Variants in ASTN2 observed in about 807,000 individuals in gnomAD.
ASTN2 encodes the protein astrotactin-2.
A neutral mutation model predicts 139.8 loss-of-function variants in ASTN2; 54 were observed. The observed-to-expected ratio is 0.39, with a 90% confidence interval of 0.31 to 0.48. The LOEUF (loss-of-function observed/expected upper bound fraction) is 0.48. Among genes scored for constraint, ASTN2 ranks in the 20% least tolerant of loss-of-function variants. The pLI is 0.95. For missense variants in ASTN2, 1,565 were observed against 1,725.1 expected, an observed-to-expected ratio of 0.91 and a Z score of 1.64; for synonymous variants, 756 against 719.5, an observed-to-expected ratio of 1.05 and a Z score of -0.81.
intron 10 of ASTN2, among the ~76,000 whole-genome samples, chr9:116,903,902 T>C (rs1834087844): frequency 6.6e-6 from 1 of 152,192 alleles, no homozygotes; most frequent in African/African-American, 2.4e-5. Flanking sequence ...AGGGGCCAGC[T>C]CTCACTTGCC....
At chr9:117,218,726 G>C (rs1360786948) in intron 2 of ASTN2, among the ~76,000 whole-genome samples, 1 of 152,176 alleles carries the variant, frequency 6.6e-6, no homozygotes, top group Non-Finnish European at 1.5e-5. Flanking sequence ...CAGTAAATCG[G>C]AGTTGGCCAA....
Position 116,587,326 on chromosome 9 carries a change from G to C in ASTN2, c.3355+30998C>G, listed in dbSNP as rs1002326806. Among the ~76,000 whole-genome samples the C allele has an allele frequency of 1.1e-4, 15 of 135,440 alleles. 1 individual carries two copies. Among genetic ancestry groups the C allele is most frequent in the Admixed American group, 4.1e-4 (5 of 12,128 alleles). The allele number at this position is 135,440 out of a possible 152,430, so 88.9% of individuals were successfully genotyped here. ...ACTGCACTCCAGCCTGGGTGACAGA[G>C]CAAGACCCCATCTCAAATTTAAAAA... On this transcript the variant is annotated intron_variant, in intron 19 of 22. Transcript: ENST00000313400.
chr9:116,963,109 G>A (rs1346811484), intron 10 of ASTN2, among the ~76,000 whole-genome samples: 1 of 152,178 alleles, frequency 6.6e-6, no homozygotes, highest in African/African-American at 2.4e-5. Flanking sequence ...TGCAATATAA[G>A]GCAATGCCCT....
At chr9:116,500,467 G>A (rs1487466855) in intron 19 of ASTN2, among the ~76,000 whole-genome samples, 2 of 152,200 alleles carry the variant, frequency 1.3e-5, no homozygotes, top group Non-Finnish European at 2.9e-5. Context: ...GCTGTGAGCT[G>A]AGCCATGACT....
chr9:116,508,361 C>A (rs1175289469), intron 19 of ASTN2, among the ~76,000 whole-genome samples: 1 of 152,168 alleles, frequency 6.6e-6, no homozygotes, highest in Non-Finnish European at 1.5e-5. Flanking sequence ...TCACCTCACC[C>A]AGTTCCACAG....
intron 1 of ASTN2, among the ~76,000 whole-genome samples, chr9:117,372,025 G>T (rs142177523): frequency 1.3e-5 from 2 of 152,200 alleles, no homozygotes; most frequent in East Asian, 1.9e-4. Flanking sequence ...TGGTAGACTG[G>T]TCCTAACTGA....
At chr9:117,141,290 T>C (rs1025223835) in intron 4 of ASTN2, 36 bp downstream of exon 4, 2 of 1,362,470 alleles carry the variant, frequency 1.5e-6, no homozygotes, top group African/African-American at 3.0e-5. Context: ...AGGACAACCT[T>C]CTGACTTCCT....
chr9:116,755,609 T>G (rs1246484200), intron 13 of ASTN2, among the ~76,000 whole-genome samples: 1 of 152,230 alleles, frequency 6.6e-6, no homozygotes, highest in African/African-American at 2.4e-5. Flanking sequence ...TTCTTTTGCT[T>G]AACCCATCCA....
chr9:116,824,362 G>T (rs555080665), intron 11 of ASTN2, among the ~76,000 whole-genome samples: 6 of 133,350 alleles, frequency 4.5e-5, no homozygotes, highest in Admixed American at 2.5e-4. Context: ...TCATAAGAGA[G>T]ATCTTTCTCT....
intron 17 of ASTN2, among the ~76,000 whole-genome samples, chr9:116,640,951 G>T (rs1857297060): frequency 6.6e-6 from 1 of 152,138 alleles, no homozygotes; most frequent in Non-Finnish European, 1.5e-5. Context: ...CTTGGAATGG[G>T]TTGTATTTTG....
chr9:116,536,295 G>A (rs1020674745), intron 19 of ASTN2, among the ~76,000 whole-genome samples: 12 of 151,686 alleles, frequency 7.9e-5, no homozygotes, highest in African/African-American at 2.4e-4. Context: ...TTTGCGATGG[G>A]TTCAAACTTC....
rs190226966 is a variant in ASTN2, at chr9:117,133,267, A to G, written c.1168+8059T>C. On this transcript the variant is annotated intron_variant, in intron 4 of 22. Transcript: ENST00000313400. Reference sequence around the variant, plus strand: ...CTTAGTACAGCCTGCGGAGCACTTTACAAACATTAACTAATTCTCCCAGCC... The same window carrying G: ...CTTAGTACAGCCTGCGGAGCACTTTGCAAACATTAACTAATTCTCCCAGCC... Among the ~76,000 whole-genome samples the G allele has an allele frequency of 1.2e-4, 19 of 152,352 alleles. 1 individual carries two copies. The East Asian group carries it at 3.1e-3, about 25-fold the overall frequency.
At chr9:116,792,810 ATTC>A (rs975065481) in intron 13 of ASTN2, among the ~76,000 whole-genome samples, 3 of 152,174 alleles carry the variant, frequency 2.0e-5, no homozygotes, top group African/African-American at 7.2e-5. Context: ...AGGAACAACA[ATTC>A]TTCATTCTCA....
intron 1 of ASTN2, among the ~76,000 whole-genome samples, chr9:117,376,111 A>G (rs138915939): frequency 6.6e-6 from 1 of 152,276 alleles, no homozygotes; most frequent in East Asian, 1.9e-4. Flanking sequence ...TATGGCATAG[A>G]ATATTCACAG....
rs148359733 is a variant in ASTN2, at chr9:117,182,775, G to A, written c.1015+31583C>T. Among the ~76,000 whole-genome samples, 7 of 151,974 alleles carry A rather than the reference G, an allele frequency of 4.6e-5. No individual in the cohort carries two copies. The East Asian group carries it at 1.4e-3, about 29-fold the overall frequency. On this transcript the variant is annotated intron_variant, in intron 3 of 22. Coordinates refer to ENST00000313400, the MANE Select transcript of ASTN2 (RefSeq NM_001365068.1). ...AAGCCACTTCAGCTTGCAGTGTCTC[G>A]GTGCCCCCATCTCTGTGTCCTAGAA...
At chr9:117,239,618 A>T (rs557576805) in intron 2 of ASTN2, among the ~76,000 whole-genome samples, 5 of 152,206 alleles carry the variant, frequency 3.3e-5, no homozygotes, top group Non-Finnish European at 7.3e-5. Context: ...CATTAGCCCA[A>T]GCAATGCAGA....
chr9:117,401,914 G>A (rs928420926), intron 1 of ASTN2, among the ~76,000 whole-genome samples: 8 of 152,114 alleles, frequency 5.3e-5, no homozygotes, highest in African/African-American at 1.9e-4. Flanking sequence ...GTTTAGATTT[G>A]GCCCATGGGC....
intron 2 of ASTN2, among the ~76,000 whole-genome samples, chr9:117,227,880 A>G (rs1444251817): frequency 2.0e-5 from 3 of 152,224 alleles, no homozygotes; most frequent in Admixed American, 2.0e-4. Flanking sequence ...GCAACTCTTC[A>G]AGCACAATCA....
At chr9:116,557,553 C>T (rs1334030512) in intron 19 of ASTN2, 1 of 152,134 alleles carries the variant, frequency 6.6e-6, no homozygotes, top group Non-Finnish European at 1.5e-5. Context: ...TCCTAAATGC[C>T]AAGAGATGGA....
Sources: allele counts gnomAD v4.1 joint callset (sites outside exome capture counted in the v4.1 genomes callset), GRCh38; gene constraint gnomAD v4.1.1; transcripts MANE v1.5; gene names NCBI Gene and HGNC (gene_info 2026-07-23, HGNC 2026-07-21).